The following EXOC3L4 variants were observed in gnomAD, a reference collection of about 807,000 sequenced individuals.
EXOC3L4 encodes exocyst complex component 3-like protein 4.
In EXOC3L4, 62 loss-of-function variants were observed where a neutral mutation model predicts 69.7. That is an observed-to-expected ratio of 0.89 (90% CI 0.72 to 1.10). The LOEUF (loss-of-function observed/expected upper bound fraction) is 1.10. Ranked by LOEUF, EXOC3L4 falls within the 50% of genes least tolerant of loss-of-function variation. The probability of loss-of-function intolerance (pLI) is 0.00; values close to 1 mark genes in which losing one functional copy is unlikely to be tolerated. For missense variants in EXOC3L4, 1,087 were observed against 1,034.8 expected (o/e 1.05, Z -0.69); for synonymous variants, 502 against 464.2 (o/e 1.08, Z -1.05).
At chr14:103,104,426 G>C in intron 5 of EXOC3L4, 37 bp downstream of exon 5, 6 of 1,505,422 alleles carry the variant, frequency 4.0e-6, no homozygotes, top group Non-Finnish European at 5.3e-6. Flanking sequence ...AGGGGCGTCT[G>C]TTCAAGCCTC....
Position 103,102,277 on chromosome 14 carries a change from T to C in EXOC3L4, c.554T>C (p.Leu185Pro), listed in dbSNP as rs10131298. The change falls in exon 3 of 12, where the codon CTT becomes CCT. Residue 185 changes from leucine (L) to proline (P), a missense_variant. By Grantham distance (98) the Leu-to-Pro change is moderately conservative. Transcript: ENST00000688303. Reference sequence around the variant, plus strand: ...CGGCGCGCTATGGACGTGTGCCTGCTTTACGACGGGCTGGCAGCCGAGATC... The same window carrying C: ...CGGCGCGCTATGGACGTGTGCCTGCCTTACGACGGGCTGGCAGCCGAGATC... ...FARRAMDVCL[L>P]YDGLAAEIGA... 2 of 1,580,858 alleles carry C rather than the reference T, an allele frequency of 1.3e-6. No homozygotes were observed. The highest frequency in any genetic ancestry group is 1.3e-5 in the African/African-American group (1 of 74,386).
rs573424821 is a variant in EXOC3L4, at chr14:103,099,456, G to C, written c.-16-748G>C. Among the ~76,000 whole-genome samples the C allele has an allele frequency of 3.2e-3, 493 of 152,328 alleles. 2 individuals carry two copies. The highest frequency in any genetic ancestry group is 5.1e-3 in the Non-Finnish European group (345 of 68,018). On this transcript the variant is annotated intron_variant, in intron 1 of 11. Coordinates refer to ENST00000688303, the MANE Select transcript of EXOC3L4 (RefSeq NM_001077594.2). ...CATGCTATGGTGGAGAGGGAGAGGA[G>C]TGGGGGGAGGAGGAGAGGCAATGGG...
chr14:103,108,137 A>G (rs1890678240), intron 10 of EXOC3L4, among the ~76,000 whole-genome samples: 1 of 152,108 alleles, frequency 6.6e-6, no homozygotes, highest in Non-Finnish European at 1.5e-5. Context: ...CAGTGCTTTC[A>G]GGCTGGCCTC....
rs1161256204 is a variant in EXOC3L4, at chr14:103,100,419, A to C, written c.200A>C (p.Gln67Pro). 1 of 1,612,862 alleles carries C rather than the reference A, an allele frequency of 6.2e-7. No homozygotes were observed. Among genetic ancestry groups the C allele is most frequent in the Non-Finnish European group, 8.5e-7 (1 of 1,179,694 alleles). Reference protein sequence around the residue: ...FSRASQRALTQVSKEDTGLFR... With the variant: ...FSRASQRALTPVSKEDTGLFR... Reference sequence around the variant, plus strand: ...CGGGCCAGCCAGCGGGCTTTGACCCAGGTCTCCAAGGAAGATACGGGCCTG... The same window carrying C: ...CGGGCCAGCCAGCGGGCTTTGACCCCGGTCTCCAAGGAAGATACGGGCCTG... Residue 67 changes from glutamine to proline, a missense_variant, in exon 2 of 12, where the codon CAG (glutamine) becomes CCG (proline). Gln to Pro is a moderately conservative substitution (Grantham distance 76). Coordinates refer to ENST00000688303, the MANE Select transcript of EXOC3L4 (RefSeq NM_001077594.2).
Position 103,104,945 on chromosome 14 carries a change from C to G in EXOC3L4, c.1386-47C>G, listed in dbSNP as rs558942943. 10 of 1,585,744 alleles carry G rather than the reference C, an allele frequency of 6.3e-6. No homozygotes were observed. In the East Asian group the frequency reaches 2.3e-4, roughly 36 times the overall value. Reference sequence around the variant, plus strand: ...ATTGGGAGGGTGGACCCAGGGTCATCGCGCAGCTAGGGAGGGTCCCCAAAG... The same window carrying G: ...ATTGGGAGGGTGGACCCAGGGTCATGGCGCAGCTAGGGAGGGTCCCCAAAG... On this transcript the variant is annotated intron_variant, in intron 6 of 11. Coordinates refer to ENST00000688303, the MANE Select transcript of EXOC3L4 (RefSeq NM_001077594.2).
chr14:103,097,192 G>A lies in EXOC3L4; in HGVS notation c.-17+2352G>A, dbSNP rs997587390. 1.3e-5 allele frequency among the ~76,000 whole-genome samples: 2 copies of A among 152,130 alleles called. No individual in the cohort carries two copies. Among genetic ancestry groups the A allele is most frequent in the Admixed American group, 1.3e-4 (2 of 15,276 alleles). On this transcript the variant is annotated intron_variant, in intron 1 of 11. Transcript: ENST00000688303. The surrounding 1 kb of genome is among the most constrained non-coding windows in gnomAD (Gnocchi z 4.9). ...GGACACAGCTAGGGTGGCCCAGGGTGGGAGCTCTCAGTGACTGTGTCTCTG... is the reference window on the plus strand; with the variant it reads ...GGACACAGCTAGGGTGGCCCAGGGTAGGAGCTCTCAGTGACTGTGTCTCTG...
chr14:103,103,584 G>A (rs76276078), intron 3 of EXOC3L4: 131 of 205,986 alleles, frequency 6.4e-4, no homozygotes, highest in African/African-American at 2.9e-3. Context: ...TCCTTAAATT[G>A]CTCCTTAAAT....
rs1246792399 is a variant in EXOC3L4 at position 103,110,137 on chromosome 14, G to T, written c.2083G>T (p.Ala695Ser). 1.3e-6 allele frequency: 2 copies of T among 1,552,142 alleles called. No homozygotes were observed. Among genetic ancestry groups the T allele is most frequent in the Non-Finnish European group, 8.7e-7 (1 of 1,148,086 alleles). ...QDLLRAAAGAAGAEAPRGRVL... is the reference protein window; with the variant it reads ...QDLLRAAAGASGAEAPRGRVL... ...CCTGCTGAGAGCTGCGGCCGGGGCGGCGGGTGCGGAGGCCCCTCGGGGCCG... is the reference window on the plus strand; with the variant it reads ...CCTGCTGAGAGCTGCGGCCGGGGCGTCGGGTGCGGAGGCCCCTCGGGGCCG... The change falls in exon 12 of 12, where the codon GCG becomes TCG. Residue 695 changes from alanine to serine, a missense_variant. Ala to Ser is a moderately conservative substitution (Grantham distance 99). Coordinates refer to ENST00000688303, the MANE Select transcript of EXOC3L4 (RefSeq NM_001077594.2).
Position 103,102,146 on chromosome 14 carries a change from T to C in EXOC3L4, c.423T>C (p.Thr141=), listed in dbSNP as rs373294534. The C allele has an allele frequency of 1.4e-4, 225 of 1,606,456 alleles. 5 individuals carry two copies. In the South Asian group the frequency reaches 1.8e-3, roughly 13 times the overall value. Residue 141 remains threonine, a synonymous_variant, in exon 3 of 12, where the codon ACT becomes ACC. Coordinates refer to ENST00000688303, the MANE Select transcript of EXOC3L4 (RefSeq NM_001077594.2). ...GCAAATCCGTGGCCGACCTCATTAC[T>C]GAACGGCAACTGCTGGCGGCCTTCG... ...AEGKSVADLI[T]ERQLLAAFEQ...
rs983407806 is a variant in EXOC3L4 at position 103,102,496 on chromosome 14, G to C, written c.773G>C (p.Arg258Pro). Reference protein sequence around the residue: ...AVRRSAQERVRRPGAGWAFGE... With the variant: ...AVRRSAQERVPRPGAGWAFGE... The stretch of plus-strand genomic sequence containing the variant: ...CGGCGAAGCGCTCAGGAGCGCGTGC[G>C]GCGGCCGGGCGCGGGGTGGGCCTTC... The change falls in exon 3 of 12, where the codon CGG (arginine) becomes CCG (proline). Residue 258 changes from arginine to proline, a missense_variant. By Grantham distance (103) the Arg-to-Pro change is moderately radical (BLOSUM62 -2). Transcript: ENST00000688303. The C allele has an allele frequency of 7.2e-7, 1 of 1,382,634 alleles. No individual in the cohort carries two copies. Among genetic ancestry groups the C allele is most frequent in the Non-Finnish European group, 9.3e-7 (1 of 1,075,456 alleles). 85.6% of individuals were successfully genotyped at this position (1,382,634 alleles called of 1,614,324 possible).
chr14:103,100,146 C>T (rs1890088665), intron 1 of EXOC3L4, 58 bp from the exon 2 acceptor site: 1 of 1,452,362 alleles, frequency 6.9e-7, no homozygotes, highest in Non-Finnish European at 9.1e-7. Context: ...GGCCAGGCCC[C>T]ACAGGGCCAC....
Position 103,107,678 on chromosome 14 carries a change from G to A in EXOC3L4, c.1749G>A (p.Ala583=), listed in dbSNP as rs200795504. 1.7e-5 allele frequency: 26 copies of A among 1,561,450 alleles called. No homozygotes were observed. Among genetic ancestry groups the A allele is most frequent in the Admixed American group, 7.7e-5 (4 of 51,940 alleles). ...VHRFVVREYL[A]RALRPRERFR... ...GGTTCGTGGTCCGCGAGTACCTGGCGCGGGCGCTGAGGCCACGGGAGCGGT... is the reference window on the plus strand; with the variant it reads ...GGTTCGTGGTCCGCGAGTACCTGGCACGGGCGCTGAGGCCACGGGAGCGGT... The change falls in exon 10 of 12, where the codon GCG becomes GCA. Residue 583 remains alanine (A), a synonymous_variant. Transcript: ENST00000688303.
intron 7 of EXOC3L4, 111 bp downstream of exon 7, chr14:103,105,183 AGTGT>A (rs150524993): frequency 1.2e-5 from 12 of 1,039,526 alleles, no homozygotes; most frequent in African/African-American, 6.7e-5. Flanking sequence ...AGAGGTGAGG[AGTGT>A]GTGTGTGTGT....
chr14:103,107,022 T>C, intron 8 of EXOC3L4, 123 bp downstream of exon 8: 1 of 862,216 alleles, frequency 1.2e-6, no homozygotes. Flanking sequence ...GGTGTGTGTG[T>C]AGGGTAGTGG....
chr14:103,107,388 T>C (rs1339074766), intron 8 of EXOC3L4, 36 bp from the exon 9 acceptor site: 2 of 1,599,502 alleles, frequency 1.3e-6, no homozygotes, highest in Non-Finnish European at 1.7e-6. Context: ...GCGGGCGTAG[T>C]GCACATTTGC....
intron 2 of EXOC3L4, 29 bp downstream of exon 2, chr14:103,100,642 T>A: frequency 6.3e-7 from 1 of 1,578,238 alleles, no homozygotes; most frequent in South Asian, 1.1e-5. Flanking sequence ...ACACGAAGCA[T>A]GAAAGGAAAC....
chr14:103,100,866 G>A (rs1890149500), intron 2 of EXOC3L4, among the ~76,000 whole-genome samples: 1 of 151,642 alleles, frequency 6.6e-6, no homozygotes, highest in South Asian at 2.1e-4. Context: ...TTTCTGAGTA[G>A]CTGGGACTAC....
Position 103,103,985 on chromosome 14 carries a change from C to A in EXOC3L4, c.1094C>A (p.Pro365Gln), listed in dbSNP as rs557143054. 1 of 1,569,144 alleles carries A rather than the reference C, an allele frequency of 6.4e-7. No homozygotes were observed. The highest frequency in any genetic ancestry group is 2.3e-5 in the East Asian group (1 of 42,690). The change falls in exon 4 of 12, where the codon CCG becomes CAG. Residue 365 changes from proline (P) to glutamine (Q), a missense_variant. Pro to Gln is a moderately conservative substitution (Grantham distance 76). Transcript: ENST00000688303. ...GAPGLALPAE[P>Q]LPPLLAPDVW... ...CCGGGGCTGGCGCTGCCCGCCGAGCCGCTGCCTCCGCTCCTGGCGCCGGAC... is the reference window on the plus strand; with the variant it reads ...CCGGGGCTGGCGCTGCCCGCCGAGCAGCTGCCTCCGCTCCTGGCGCCGGAC...
rs1555403226 is a variant in EXOC3L4 at position 103,103,367 on chromosome 14, A to AAAAAG, written c.1050-570_1050-566dup. 3.5e-3 allele frequency among the ~76,000 whole-genome samples: 529 copies of AAAAAG among 149,736 alleles called. 7 individuals are homozygous for AAAAAG. The highest frequency in any genetic ancestry group is 0.012 in the African/African-American group (480 of 39,656). On this transcript the variant is annotated intron_variant, in intron 3 of 11. Coordinates refer to ENST00000688303, the MANE Select transcript of EXOC3L4 (RefSeq NM_001077594.2). ...AAGACTCTGTCTCAAAAAAAAAAAAAAAAAGAAAGAAAGAAAGAAAAGAAA... is the reference window on the plus strand; with the variant it reads ...AAGACTCTGTCTCAAAAAAAAAAAAAAAAAGAAAAGAAAGAAAGAAAGAAAAGAAA...
Sources: allele counts gnomAD v4.1 joint callset (sites outside exome capture counted in the v4.1 genomes callset), GRCh38; gene constraint gnomAD v4.1.1; non-coding constraint Gnocchi (gnomAD v3.1); transcripts MANE v1.5; gene names NCBI Gene and HGNC (gene_info 2026-07-23, HGNC 2026-07-21).